The following ADCY1 variants were observed in gnomAD, a reference collection of about 807,000 sequenced individuals.
ADCY1 encodes the protein adenylate cyclase type 1.
A neutral mutation model predicts 105.4 loss-of-function variants in ADCY1; 28 were observed. That is an observed-to-expected ratio of 0.27 (90% CI 0.20 to 0.36). The LOEUF (loss-of-function observed/expected upper bound fraction) is 0.36. Among genes scored for constraint, ADCY1 ranks in the 10% least tolerant of loss-of-function variants. The pLI, the probability that ADCY1 is intolerant of heterozygous loss-of-function variation, is 1.00. For missense variants in ADCY1, 977 were observed against 1,434.2 expected (o/e 0.68, Z 5.15); for synonymous variants, 655 against 623.8 (o/e 1.05, Z -0.75).
At chr7:45,622,378 G>A (rs901495770) in intron 3 of ADCY1, among the ~76,000 whole-genome samples, 3 of 152,124 alleles carry the variant, frequency 2.0e-5, no homozygotes, top group Non-Finnish European at 4.4e-5. Flanking sequence ...GTCAGCATGG[G>A]GGATGGCGAG....
At chr7:45,704,815 C>T (rs1342606614) in intron 17 of ADCY1, among the ~76,000 whole-genome samples, 199 bp downstream of exon 17, 4 of 152,056 alleles carry the variant, frequency 2.6e-5, no homozygotes, top group African/African-American at 7.2e-5. Context: ...CAGAAGGCAC[C>T]GGAGCTTCCT....
At chr7:45,705,161 C>G (rs192185078) in intron 17 of ADCY1, among the ~76,000 whole-genome samples, 21 of 152,242 alleles carry the variant, frequency 1.4e-4, no homozygotes, top group African/African-American at 4.8e-4. Flanking sequence ...AGAAATTACA[C>G]CAGTTCTCTA....
At chr7:45,651,961 C>T (rs1794822926) in intron 5 of ADCY1, among the ~76,000 whole-genome samples, 1 of 152,168 alleles carries the variant, frequency 6.6e-6, no homozygotes, top group African/African-American at 2.4e-5. Flanking sequence ...CTACCTGAGA[C>T]TGGGTAATTT....
chr7:45,589,578 C>T (rs1792846186), intron 1 of ADCY1, among the ~76,000 whole-genome samples: 1 of 152,142 alleles, frequency 6.6e-6, no homozygotes, highest in Non-Finnish European at 1.5e-5. Flanking sequence ...TCGAGAGTTC[C>T]AGACCTTGGG....
Position 45,660,200 on chromosome 7 carries a change from C to G in ADCY1, c.1449+17C>G. 1 of 1,613,902 alleles carries G rather than the reference C, an allele frequency of 6.2e-7. No homozygotes were observed. Among genetic ancestry groups the G allele is most frequent in the Non-Finnish European group, 8.5e-7 (1 of 1,179,860 alleles). On this transcript the variant is annotated intron_variant, in intron 7 of 19. Coordinates refer to ENST00000297323, the MANE Select transcript of ADCY1 (RefSeq NM_021116.4). ...CGCCGAAAGGTAGGCACCAGAGCCC[C>G]CCTCATTTGGTTGATCCTTAGCTTC...
At chr7:45,687,828 A>C (rs1220598617) in intron 14 of ADCY1, among the ~76,000 whole-genome samples, 3 of 152,088 alleles carry the variant, frequency 2.0e-5, no homozygotes, top group Non-Finnish European at 4.4e-5. Context: ...TAGGCTCTGA[A>C]CCTGTGGAGA....
chr7:45,673,438 A>G (rs1042833141), intron 8 of ADCY1, among the ~76,000 whole-genome samples: 8 of 152,218 alleles, frequency 5.3e-5, no homozygotes, highest in Admixed American at 3.3e-4. Context: ...TTTTTAAATT[A>G]TAAAGTCAAT....
intron 8 of ADCY1, among the ~76,000 whole-genome samples, chr7:45,677,407 C>T (rs550357907): frequency 1.3e-5 from 2 of 152,250 alleles, no homozygotes; most frequent in Admixed American, 1.3e-4. Flanking sequence ...GGAGGAGAGG[C>T]TCACTCTCTG....
chr7:45,621,690 A>C (rs1462325317), intron 3 of ADCY1, among the ~76,000 whole-genome samples: 1 of 152,046 alleles, frequency 6.6e-6, no homozygotes, highest in Non-Finnish European at 1.5e-5. Context: ...TTGGCGATAC[A>C]CTGTGTTGTG....
At chr7:45,620,274 C>T (rs932173229) in intron 3 of ADCY1, among the ~76,000 whole-genome samples, 1 of 151,912 alleles carries the variant, frequency 6.6e-6, no homozygotes, top group African/African-American at 2.4e-5. Context: ...AGTCAATGGC[C>T]ATGAAGCTGT....
intron 4 of ADCY1, among the ~76,000 whole-genome samples, chr7:45,629,428 AGTCTATGTATGG>A (rs1794164576): frequency 2.0e-5 from 3 of 152,168 alleles, no homozygotes; most frequent in African/African-American, 7.2e-5. Flanking sequence ...TTCATGTACA[AGTCTATGTATGG>A]GTATTCAGTT....
intron 2 of ADCY1, among the ~76,000 whole-genome samples, chr7:45,598,556 G>A (rs1176734259): frequency 6.6e-6 from 1 of 152,170 alleles, no homozygotes; most frequent in Non-Finnish European, 1.5e-5. Flanking sequence ...ATAGGGAAAT[G>A]CTGAGAATAA....
intron 3 of ADCY1, among the ~76,000 whole-genome samples, chr7:45,610,850 T>TGGAGCTGTTGAGGTGATGG (rs1194246422): frequency 3.6e-4 from 4 of 11,266 alleles, no homozygotes; most frequent in Non-Finnish European, 7.2e-4. Context: ...GGAGGCGATA[T>TGGAGCTGTTGAGGTGATGG]TGGAGTTGTG....
At chr7:45,632,587 A>G (rs552997733) in intron 4 of ADCY1, among the ~76,000 whole-genome samples, 1 of 151,712 alleles carries the variant, frequency 6.6e-6, no homozygotes, top group Admixed American at 6.6e-5. Flanking sequence ...TTTTTGACAC[A>G]GAGTCTCTTT....
intron 3 of ADCY1, among the ~76,000 whole-genome samples, chr7:45,616,975 T>G (rs1042227190): frequency 6.6e-6 from 1 of 152,220 alleles, no homozygotes; most frequent in African/African-American, 2.4e-5. Context: ...TAGGGCACCT[T>G]GATCCTCCCA....
intron 2 of ADCY1, among the ~76,000 whole-genome samples, chr7:45,594,911 A>G (rs913267156): frequency 2.6e-5 from 4 of 152,192 alleles, no homozygotes; most frequent in African/African-American, 7.2e-5. Flanking sequence ...TGGTGTATAT[A>G]TAATTTTATT....
At chr7:45,669,724 A>G (rs192977793) in intron 8 of ADCY1, among the ~76,000 whole-genome samples, 269 of 152,364 alleles carry the variant, frequency 1.8e-3, no homozygotes, top group African/African-American at 6.3e-3. Context: ...TTTTTAAAAT[A>G]TAACTTCTAC....
intron 2 of ADCY1, among the ~76,000 whole-genome samples, chr7:45,603,098 T>G (rs1793284089): frequency 6.6e-6 from 1 of 152,236 alleles, no homozygotes; most frequent in Non-Finnish European, 1.5e-5. Context: ...CCACTTAGCA[T>G]AATGTTTTTG....
chr7:45,655,189 T>C (rs1335281864), intron 5 of ADCY1, among the ~76,000 whole-genome samples: 1 of 152,212 alleles, frequency 6.6e-6, no homozygotes, highest in Admixed American at 6.5e-5. Context: ...CAAGCTTCAG[T>C]GCAGCCATGA....
Sources: allele counts gnomAD v4.1 joint callset (sites outside exome capture counted in the v4.1 genomes callset), GRCh38; gene constraint gnomAD v4.1.1; transcripts MANE v1.5; gene names NCBI Gene and HGNC (gene_info 2026-07-23, HGNC 2026-07-21).